PCDH9: variants seen among roughly 807,000 people sequenced by gnomAD.
PCDH9 encodes the protein protocadherin 9.
Under a neutral mutation model 70.6 loss-of-function variants are expected in PCDH9, and 24 were observed. The observed-to-expected ratio is 0.34, with a 90% CI of 0.25 to 0.48. The LOEUF (loss-of-function observed/expected upper bound fraction) is 0.48. Among genes scored for constraint, PCDH9 ranks in the 20% least tolerant of loss-of-function variants. The pLI is 0.99. For synonymous variants in PCDH9, 562 were observed against 558.5 expected, an observed-to-expected ratio of 1.01 and a Z score of -0.09; for missense variants, 1,281 against 1,503.6, an observed-to-expected ratio of 0.85 and a Z score of 2.45.
At chr13:66,491,971 A>G (rs1959040971) in intron 4 of PCDH9, among the ~76,000 whole-genome samples, 1 of 152,132 alleles carries the variant, frequency 6.6e-6, no homozygotes, top group African/African-American at 2.4e-5. Flanking sequence ...GACCTAAGCC[A>G]TATGTGCATG....
At chr13:66,472,252 GA>G (rs1426664428) in intron 4 of PCDH9, among the ~76,000 whole-genome samples, 1 of 148,732 alleles carries the variant, frequency 6.7e-6, no homozygotes, top group Non-Finnish European at 1.5e-5. Context: ...AAAGAAAATA[GA>G]AATGTGGTTC....
At chr13:66,877,252 AG>A (rs143942379) in intron 3 of PCDH9, among the ~76,000 whole-genome samples, 9,065 of 151,874 alleles carry the variant, frequency 0.06, 892 homozygotes, top group African/African-American at 0.21. Context: ...CAAAACTAAA[AG>A]TAAATTATGA....
chr13:66,872,413 G>A (rs2081710496), intron 3 of PCDH9, among the ~76,000 whole-genome samples: 1 of 151,974 alleles, frequency 6.6e-6, no homozygotes, highest in Non-Finnish European at 1.5e-5. Context: ...ATATCTGGCT[G>A]TGCTCATGTC....
intron 2 of PCDH9, among the ~76,000 whole-genome samples, chr13:67,146,218 C>T (rs925914600): frequency 1.3e-4 from 20 of 152,074 alleles, no homozygotes; most frequent in African/African-American, 4.6e-4. Context: ...GAACAGAAAT[C>T]CCTGTATTTA....
At chr13:67,123,179 T>G (rs1453222407) in intron 2 of PCDH9, among the ~76,000 whole-genome samples, 1 of 152,206 alleles carries the variant, frequency 6.6e-6, no homozygotes, top group Admixed American at 6.5e-5. Context: ...CATCTTTATG[T>G]TATTAACTGA....
intron 2 of PCDH9, among the ~76,000 whole-genome samples, chr13:67,199,728 T>C (rs932184948): frequency 6.6e-6 from 1 of 152,138 alleles, no homozygotes; most frequent in Non-Finnish European, 1.5e-5. Context: ...ACATTTGTTA[T>C]CTTGGACTTT....
At chr13:67,171,317 A>G (rs1473636424) in intron 2 of PCDH9, among the ~76,000 whole-genome samples, 4 of 152,188 alleles carry the variant, frequency 2.6e-5, no homozygotes, top group Admixed American at 2.6e-4. Flanking sequence ...ATTTCAGGGT[A>G]ACAGTTGACT....
chr13:66,707,005 A>C (rs1471239245), intron 3 of PCDH9, among the ~76,000 whole-genome samples: 1 of 152,202 alleles, frequency 6.6e-6, no homozygotes, highest in Non-Finnish European at 1.5e-5. Context: ...GCCAAAGGTA[A>C]AGAAGAATAA....
At chr13:66,515,227 C>T (rs902341426) in intron 4 of PCDH9, among the ~76,000 whole-genome samples, 19 of 152,086 alleles carry the variant, frequency 1.2e-4, no homozygotes, top group Admixed American at 9.8e-4. Context: ...TCACATTAAC[C>T]TTGCTTTGTT....
intron 4 of PCDH9, among the ~76,000 whole-genome samples, chr13:66,455,310 A>T (rs1958297227): frequency 6.6e-6 from 1 of 151,652 alleles, no homozygotes; most frequent in African/African-American, 2.4e-5. Context: ...AAAAAAGTAG[A>T]ATTGTGTTTT....
At position 67,147,631 on chromosome 13, in the gene PCDH9, A is replaced by G. The variant is rs934249462; in HGVS notation, c.3036+77774T>C. ...TTTTTGAAAAACCAGAAGAAATAATAACTGAGACTGAGTACATTTGGAATA... is the reference window on the plus strand; with the variant it reads ...TTTTTGAAAAACCAGAAGAAATAATGACTGAGACTGAGTACATTTGGAATA... On this transcript the variant is annotated intron_variant, in intron 2 of 4. Coordinates refer to ENST00000377865, the MANE Select transcript of PCDH9 (RefSeq NM_203487.3). Among the ~76,000 whole-genome samples the G allele has an allele frequency of 2.6e-5, 4 of 152,244 alleles. No individual in the cohort carries two copies. The East Asian group carries it at 5.8e-4, about 22-fold the overall frequency.
At chr13:67,089,261 AGAATTG>A (rs2086169446) in intron 2 of PCDH9, among the ~76,000 whole-genome samples, 1 of 152,072 alleles carries the variant, frequency 6.6e-6, no homozygotes, top group Non-Finnish European at 1.5e-5. Context: ...GTGCAGAAAT[AGAATTG>A]TCCATTTATA....
chr13:66,559,797 C>G (rs1320825405), intron 4 of PCDH9, among the ~76,000 whole-genome samples: 2 of 18,896 alleles, frequency 1.1e-4, no homozygotes, highest in Non-Finnish European at 1.8e-4. Flanking sequence ...AAGACTCCAT[C>G]TCAAAAAAAA....
chr13:66,927,020 T>C (rs1340146199), intron 2 of PCDH9, among the ~76,000 whole-genome samples: 1 of 152,116 alleles, frequency 6.6e-6, no homozygotes. Context: ...TCTCAGATGG[T>C]CATTATTCCA....
At chr13:67,047,276 C>A (rs915661437) in intron 2 of PCDH9, among the ~76,000 whole-genome samples, 1 of 152,146 alleles carries the variant, frequency 6.6e-6, no homozygotes, top group Non-Finnish European at 1.5e-5. Flanking sequence ...TGCTAAAATG[C>A]ATTTGCCATT....
At chr13:66,426,049 G>C (rs185552665) in intron 4 of PCDH9, among the ~76,000 whole-genome samples, 5 of 151,550 alleles carry the variant, frequency 3.3e-5, no homozygotes, top group Non-Finnish European at 7.4e-5. Context: ...GGTAGAAGCC[G>C]ATAGGTACTG....
intron 4 of PCDH9, among the ~76,000 whole-genome samples, chr13:66,506,689 G>A (rs1393308266): frequency 6.6e-6 from 1 of 152,158 alleles, no homozygotes; most frequent in African/African-American, 2.4e-5. Flanking sequence ...TACACACTAA[G>A]AAAGCTTAAT....
chr13:66,615,427 T>C (rs1021771668), intron 4 of PCDH9, among the ~76,000 whole-genome samples: 1 of 152,238 alleles, frequency 6.6e-6, no homozygotes, highest in Admixed American at 6.5e-5. Context: ...TCTTAAGTTA[T>C]TGTAAACCAC....
intron 2 of PCDH9, among the ~76,000 whole-genome samples, chr13:67,112,905 A>AT (rs1458326051): frequency 1.3e-5 from 2 of 150,702 alleles, no homozygotes; most frequent in Admixed American, 6.6e-5. Flanking sequence ...ATTTTTTGTT[A>AT]TTTTTTGTAG....
Sources: allele counts gnomAD v4.1 joint callset (sites outside exome capture counted in the v4.1 genomes callset), GRCh38; gene constraint gnomAD v4.1.1; transcripts MANE v1.5; gene names NCBI Gene and HGNC (gene_info 2026-07-23, HGNC 2026-07-21).